N4BP2L1: variants seen among roughly 807,000 people sequenced by gnomAD.
N4BP2L1 encodes the protein NEDD4 binding protein 2 like 1, also known as NEDD4-binding protein 2-like 1.
A neutral mutation model predicts 21.2 loss-of-function variants in N4BP2L1; 12 were observed. The ratio of observed to expected loss-of-function variants is 0.57; its 90% CI spans 0.36 to 0.92. The LOEUF is 0.92. Among genes scored for constraint, N4BP2L1 ranks in the 40% least tolerant of loss-of-function variants. The pLI, the probability that N4BP2L1 is intolerant of heterozygous loss-of-function variation, is 0.01. For missense variants in N4BP2L1, 259 were observed against 310.6 expected (o/e 0.83, Z 1.25); for synonymous variants, 104 against 112.8 (o/e 0.92, Z 0.49).
rs781048243 is a variant in N4BP2L1, at chr13:32,407,334, T to G, written c.312A>C (p.Arg104Ser). The G allele has an allele frequency of 1.2e-6, 2 of 1,614,202 alleles. No homozygotes were observed. The highest frequency in any genetic ancestry group is 3.3e-5 in the Admixed American group (2 of 60,026). The change falls in exon 3 of 5, where the codon AGA becomes AGC. Residue 104 changes from arginine to serine, a missense_variant. This residue lies in a region of N4BP2L1 where 91 missense variants were observed against 148.1 expected (regional missense o/e 0.61). Transcript: ENST00000380130. ...EAHEWNQKRA[R>S]KAMRNGISPI... is the part of the protein sequence containing the mutation. ...GGGATATGCCATTCCTCATTGCTTT[T>G]CTTGCTGCAACACAATGTTACATAA...
intron 3 of N4BP2L1, 74 bp from the exon 4 acceptor site, chr13:32,404,471 C>T (rs1247523987): frequency 7.8e-5 from 79 of 1,009,178 alleles, no homozygotes; most frequent in Middle Eastern, 3.1e-4. Flanking sequence ...TGCCATTTAA[C>T]ATTTACTACA....
At chr13:32,411,076 A>G (rs1179697211) in intron 1 of N4BP2L1, among the ~76,000 whole-genome samples, 1 of 152,204 alleles carries the variant, frequency 6.6e-6, no homozygotes, top group East Asian at 1.9e-4. Context: ...AGGCATGAGT[A>G]TCCAATTCAC....
intron 1 of N4BP2L1, among the ~76,000 whole-genome samples, chr13:32,422,947 C>A (rs1201305874): frequency 6.6e-6 from 1 of 152,056 alleles, no homozygotes; most frequent in East Asian, 1.9e-4. Flanking sequence ...TGCAAACATT[C>A]TATTGTGAGC....
At chr13:32,406,128 C>A (rs914047801) in intron 3 of N4BP2L1, among the ~76,000 whole-genome samples, 2 of 151,222 alleles carry the variant, frequency 1.3e-5, no homozygotes, top group African/African-American at 4.9e-5. Flanking sequence ...TCAGGATGGT[C>A]TCAATCTCCT....
At chr13:32,424,092 A>C (rs968961489) in intron 1 of N4BP2L1, among the ~76,000 whole-genome samples, 1 of 152,200 alleles carries the variant, frequency 6.6e-6, no homozygotes, top group Non-Finnish European at 1.5e-5. Flanking sequence ...TGAGAATGAA[A>C]GGGTCTTGGC....
chr13:32,416,117 A>T (rs888447482), intron 1 of N4BP2L1: 5 of 152,270 alleles, frequency 3.3e-5, no homozygotes, highest in Admixed American at 6.5e-5. Context: ...TTATGTTGAT[A>T]TATAGACTTA....
chr13:32,411,059 G>T (rs921775617), intron 1 of N4BP2L1, among the ~76,000 whole-genome samples: 1 of 152,024 alleles, frequency 6.6e-6, no homozygotes, highest in Non-Finnish European at 1.5e-5. Flanking sequence ...CCTTTAAAAA[G>T]ACTTTAAGGC....
rs756625422 is a variant in N4BP2L1 at position 32,428,050 on chromosome 13, C to G, written c.33G>C (p.Arg11Ser). The G allele has an allele frequency of 6.6e-7, 1 of 1,518,000 alleles. No homozygotes were observed. Among genetic ancestry groups the G allele is most frequent in the Admixed American group, 2.3e-5 (1 of 44,348 alleles). 94.0% of individuals were successfully genotyped at this position (1,518,000 alleles called of 1,614,324 possible). A position where few individuals can be genotyped will look rare whatever the true frequency, so the allele number is the denominator to read the frequency against. Residue 11 changes from arginine (R) to serine (S), a missense_variant, in exon 1 of 5, where the codon AGG becomes AGC. Coordinates refer to ENST00000380130, the MANE Select transcript of N4BP2L1 (RefSeq NM_052818.3). Reference sequence around the variant, plus strand: ...GCTGCTGCTGGGGCTGGAGGCTCAGCCTCCCAAAAGATTGAAGGAAACTGT... The same window carrying G: ...GCTGCTGCTGGGGCTGGAGGCTCAGGCTCCCAAAAGATTGAAGGAAACTGT... MEDSFLQSFGRLSLQPQQQQQ... is the reference protein window; with the variant it reads MEDSFLQSFGSLSLQPQQQQQ...
chr13:32,421,743 A>C (rs759098606), intron 1 of N4BP2L1, among the ~76,000 whole-genome samples: 9 of 152,102 alleles, frequency 5.9e-5, no homozygotes, highest in Non-Finnish European at 1.3e-4. Context: ...CCCAAGCCAT[A>C]CATATGATCT....
chr13:32,420,755 G>A (rs947759774), intron 1 of N4BP2L1, among the ~76,000 whole-genome samples: 9 of 151,986 alleles, frequency 5.9e-5, no homozygotes, highest in Non-Finnish European at 7.4e-5. Context: ...GTGCAATGGC[G>A]TAATCTCGGC....
chr13:32,419,411 AATTTTTTTTTTTTTTTTT>A, intron 1 of N4BP2L1: 3 of 264,984 alleles, frequency 1.1e-5, no homozygotes, highest in South Asian at 4.6e-5. Context: ...ATGCTTGGCT[AATTTTTTTTTTTTTTTTT>A]TTTTTTTTTT....
intron 1 of N4BP2L1, chr13:32,416,399 G>C (rs767527304): frequency 6.6e-6 from 1 of 152,162 alleles, no homozygotes; most frequent in Non-Finnish European, 1.5e-5. Flanking sequence ...GTGCTTGAGC[G>C]CTATAAAATA....
chr13:32,401,781 A>G lies in N4BP2L1; in HGVS notation c.*1161T>C, dbSNP rs535340493. Reference sequence around the variant, plus strand: ...TTAATAACCATAAAAGCACCATTATATAAGACACTTAAAATAATTTTTCAC... The same window carrying G: ...TTAATAACCATAAAAGCACCATTATGTAAGACACTTAAAATAATTTTTCAC... On this transcript the variant is annotated 3_prime_UTR_variant, in exon 5 of 5. Transcript: ENST00000380130. 7.6e-6 allele frequency: 2 copies of G among 263,790 alleles called. No individual in the cohort carries two copies. The highest frequency in any genetic ancestry group is 6.5e-5 in the Admixed American group (1 of 15,428). The allele number at this position is 263,790 out of a possible 1,614,324, so 16.3% of individuals were successfully genotyped here.
At chr13:32,413,876 CTTTTTTTTTTT>C (rs57796470) in intron 1 of N4BP2L1, among the ~76,000 whole-genome samples, 1 of 98,574 alleles carries the variant, frequency 1.0e-5, no homozygotes, top group African/African-American at 4.1e-5. Flanking sequence ...TTGCACCAAG[CTTTTTTTTTTT>C]TTTTTTTTTT....
intron 1 of N4BP2L1, among the ~76,000 whole-genome samples, chr13:32,417,308 T>C (rs2074203921): frequency 6.6e-6 from 1 of 152,188 alleles, no homozygotes; most frequent in Non-Finnish European, 1.5e-5. Context: ...TGGGAGGTAA[T>C]TGAATCATGG....
chr13:32,428,366 A>C (rs1282267036), upstream of N4BP2L1: 1 of 284,210 alleles, frequency 3.5e-6, no homozygotes, highest in Non-Finnish European at 6.5e-6. Context: ...TGCCCTGAGC[A>C]GTGGAGGGGA....
At chr13:32,419,668 C>T (rs1305109978) in intron 1 of N4BP2L1, among the ~76,000 whole-genome samples, 6 of 152,074 alleles carry the variant, frequency 3.9e-5, no homozygotes, top group Non-Finnish European at 5.9e-5. Flanking sequence ...CCTTCCACCA[C>T]GATTGTAAGT....
At chr13:32,428,219 C>T, upstream of N4BP2L1, 1 of 877,458 alleles carries the variant, frequency 1.1e-6, no homozygotes, top group Non-Finnish European at 1.6e-6. Flanking sequence ...CCCTCCTTTC[C>T]ACCCGCCGGA....
intron 1 of N4BP2L1, chr13:32,411,429 G>T: frequency 1.4e-6 from 1 of 731,350 alleles, no homozygotes; most frequent in Non-Finnish European, 1.7e-6. Context: ...ATAGTAGCAT[G>T]TTGAATAGGC....
Sources: allele counts gnomAD v4.1 joint callset (sites outside exome capture counted in the v4.1 genomes callset), GRCh38; gene constraint gnomAD v4.1.1; regional missense constraint gnomAD v4.1.1; transcripts MANE v1.5; gene names NCBI Gene and HGNC (gene_info 2026-07-23, HGNC 2026-07-21).